The following NFE2L2 variants were observed in gnomAD, a reference collection of about 807,000 sequenced individuals.
The protein encoded by NFE2L2 is nuclear factor erythroid 2-related factor 2.
A neutral mutation model predicts 49.6 loss-of-function variants in NFE2L2; 20 were observed. The ratio of observed to expected loss-of-function variants is 0.40; its 90% CI spans 0.28 to 0.59. The LOEUF (loss-of-function observed/expected upper bound fraction) is 0.59. Among genes scored for constraint, NFE2L2 ranks in the 20% least tolerant of loss-of-function variants. The pLI is 0.40. For synonymous variants in NFE2L2, 244 were observed against 256.5 expected, an observed-to-expected ratio of 0.95 and a Z score of 0.47; for missense variants, 578 against 714.2, an observed-to-expected ratio of 0.81 and a Z score of 2.17.
intron 1 of NFE2L2, among the ~76,000 whole-genome samples, chr2:177,261,818 G>T (rs2364723): frequency 6.6e-6 from 1 of 151,940 alleles, no homozygotes; most frequent in Non-Finnish European, 1.5e-5. Flanking sequence ...GAACAGTTAA[G>T]GAGGAAATAT....
chr2:177,262,904 A>T (rs776568218), intron 1 of NFE2L2, among the ~76,000 whole-genome samples: 2 of 152,238 alleles, frequency 1.3e-5, no homozygotes, highest in Non-Finnish European at 2.9e-5. Context: ...AACCAGAAGA[A>T]TACAATCCCA....
At chr2:177,261,805 G>C (rs943694360) in intron 1 of NFE2L2, among the ~76,000 whole-genome samples, 2 of 152,094 alleles carry the variant, frequency 1.3e-5, no homozygotes, top group Admixed American at 6.5e-5. Flanking sequence ...ACCCAGGCTT[G>C]AGGAACAGTT....
At chr2:177,239,261 A>C (rs1689862742) in intron 1 of NFE2L2, among the ~76,000 whole-genome samples, 1 of 152,186 alleles carries the variant, frequency 6.6e-6, no homozygotes, top group African/African-American at 2.4e-5. Context: ...TGTCTCCACC[A>C]AGAATGCCAC....
chr2:177,231,274 T>C lies in NFE2L2; in HGVS notation c.1329A>G (p.Lys443=). The C allele has an allele frequency of 6.2e-7, 1 of 1,614,274 alleles. No homozygotes were observed. Among genetic ancestry groups the C allele is most frequent in the South Asian group, 1.1e-5 (1 of 91,092 alleles). The change falls in exon 5 of 5, where the codon AAA becomes AAG. Residue 443 remains lysine, a synonymous_variant. Transcript: ENST00000397062. ...CCTCCAAGCGGCTTGAATGTTTGTC[T>C]TTTGTGAATGGGGTTTTCCGATGAC... ...SPGHRKTPFT[K]DKHSSRLEAH... is the part of the protein sequence containing the mutation.
At chr2:177,246,582 G>C (rs1353996370) in intron 1 of NFE2L2, among the ~76,000 whole-genome samples, 1 of 150,678 alleles carries the variant, frequency 6.6e-6, no homozygotes, top group Non-Finnish European at 1.5e-5. Flanking sequence ...GCACAGAGTT[G>C]TAAGTTGTCC....
chr2:177,247,097 T>A lies in NFE2L2; in HGVS notation c.46-12826A>T, dbSNP rs553827060. On this transcript the variant is annotated intron_variant, in intron 1 of 4. Coordinates refer to ENST00000397062, the MANE Select transcript of NFE2L2 (RefSeq NM_006164.5). The stretch of plus-strand genomic sequence containing the variant: ...TGAGGGTATCCCTAAGATAAATACT[T>A]AAAAGTGGAGTTGCTGGGTCAAAGA... Among the ~76,000 whole-genome samples the A allele has an allele frequency of 7.9e-5, 12 of 152,274 alleles. No homozygotes were observed. The South Asian group carries it at 2.5e-3, about 32-fold the overall frequency.
At position 177,248,671 on chromosome 2, in the gene NFE2L2, A is replaced by C. The variant is rs1450492026; in HGVS notation, c.46-14400T>G. On this transcript the variant is annotated intron_variant, in intron 1 of 4. Transcript: ENST00000397062. The stretch of plus-strand genomic sequence containing the variant: ...TGATCCGCCTGCCTGGGCCTCCCAA[A>C]GTGCTGGCATTACAGGCATGAGCCA... Among the ~76,000 whole-genome samples, 3 of 152,166 alleles carry C rather than the reference A, an allele frequency of 2.0e-5. No homozygotes were observed. The East Asian group carries it at 5.8e-4, about 29-fold the overall frequency.
Position 177,233,951 on chromosome 2 carries a change from C to T in NFE2L2, c.312+54G>A, listed in dbSNP as rs78088214. ...CAAATCCAGATATTTTAATTCCTTG[C>T]TCAGTGTTTCCTTAAACCTGCCATA... On this transcript the variant is annotated intron_variant, in intron 2 of 4. Transcript: ENST00000397062. 6,441 of 1,597,528 alleles carry T rather than the reference C, an allele frequency of 4.0e-3. 238 individuals are homozygous for T. The African/African-American group carries it at 0.076, about 19-fold the overall frequency.
At chr2:177,242,960 AAAGGACTTATGT>A (rs1044971057) in intron 1 of NFE2L2, among the ~76,000 whole-genome samples, 7 of 150,754 alleles carry the variant, frequency 4.6e-5, no homozygotes, top group African/African-American at 1.5e-4. Context: ...GCTAGGCTTC[AAAGGACTTATGT>A]AAGGGTTTCA....
chr2:177,259,796 G>T (rs1690663327), intron 1 of NFE2L2, among the ~76,000 whole-genome samples: 1 of 152,080 alleles, frequency 6.6e-6, no homozygotes, highest in East Asian at 1.9e-4. Flanking sequence ...GCCAGGCGTG[G>T]TGGCGGGTGC....
chr2:177,253,466 C>G (rs1043011442), intron 1 of NFE2L2, among the ~76,000 whole-genome samples: 3 of 152,160 alleles, frequency 2.0e-5, no homozygotes, highest in African/African-American at 7.2e-5. Context: ...AAATGTCCCT[C>G]AAGGGGGATA....
chr2:177,252,648 G>A (rs934044705), intron 1 of NFE2L2, among the ~76,000 whole-genome samples: 1 of 32,216 alleles, frequency 3.1e-5, no homozygotes. Flanking sequence ...TGACCACACT[G>A]GTGGATGAGT....
At chr2:177,247,765 G>C (rs1384537017) in intron 1 of NFE2L2, among the ~76,000 whole-genome samples, 1 of 151,834 alleles carries the variant, frequency 6.6e-6, no homozygotes, top group Non-Finnish European at 1.5e-5. Flanking sequence ...TTTAACCACT[G>C]GTGTGTGCCT....
chr2:177,245,504 T>A (rs1690091949), intron 1 of NFE2L2, among the ~76,000 whole-genome samples: 1 of 152,190 alleles, frequency 6.6e-6, no homozygotes, highest in Non-Finnish European at 1.5e-5. Context: ...CCTAACAGCT[T>A]CTATTACACC....
At position 177,234,257 on chromosome 2, in the gene NFE2L2, A is replaced by T. The variant is rs759238012; in HGVS notation, c.60T>A (p.Ile20=). Residue 20 remains isoleucine, a synonymous_variant, in exon 2 of 5, where the codon ATT becomes ATA. Transcript: ENST00000397062. The part of the protein sequence containing the change: ...GLPSQQDMDL[I]DILWRQDIDL... ...CTATATCTTGCCTCCAAAGTATGTC[A>T]ATCAAATCCATGTCCTATGTTTAAG... The T allele has an allele frequency of 4.3e-6, 7 of 1,610,506 alleles. No individual in the cohort carries two copies. The South Asian group carries it at 6.6e-5, about 15-fold the overall frequency.
chr2:177,230,819 G>C lies in NFE2L2; in HGVS notation c.1784C>G (p.Pro595Arg). ...QTRDGNVFLV[P>R]KSKKPDVKKN Reference sequence around the variant, plus strand: ...CTTAACATCTGGCTTCTTACTTTTGGGAACAAGGAAAACATTGCCATCTCT... The same window carrying C: ...CTTAACATCTGGCTTCTTACTTTTGCGAACAAGGAAAACATTGCCATCTCT... Residue 595 changes from proline to arginine, a missense_variant, in exon 5 of 5, where the codon CCC becomes CGC. Around this residue, in one of 3 missense-constraint regions of NFE2L2, gnomAD observed 117 missense variants for 175.8 expected, o/e 0.67. Transcript: ENST00000397062. 1 of 1,589,848 alleles carries C rather than the reference G, an allele frequency of 6.3e-7. No homozygotes were observed. The highest frequency in any genetic ancestry group is 8.5e-7 in the Non-Finnish European group (1 of 1,172,932).
In NFE2L2 at chr2:177,231,849, C is replaced by T. The variant is rs1217503769; in HGVS notation, c.754G>A (p.Asp252Asn). 1 of 1,614,008 alleles carries T rather than the reference C, an allele frequency of 6.2e-7. No individual in the cohort carries two copies. The highest frequency in any genetic ancestry group is 8.5e-7 in the Non-Finnish European group (1 of 1,180,030). The change falls in exon 5 of 5, where the codon GAT becomes AAT. Residue 252 changes from aspartate to asparagine, a missense_variant. Asp to Asn is a conservative substitution (Grantham distance 23). This residue lies in a region of NFE2L2 where 368 missense variants were observed against 384.6 expected (regional missense o/e 0.96). Transcript: ENST00000397062. ...GTGGAGAGGATGCTGCTGAAGGAAT[C>T]CTCAAAAGCATTAAGAAAATGTGGA... The part of the protein sequence containing the change: ...CSPHFLNAFE[D>N]SFSSILSTED...
Position 177,231,416 on chromosome 2 carries a change from G to C in NFE2L2, c.1187C>G (p.Pro396Arg). 6.2e-7 allele frequency: 1 copy of C among 1,614,226 alleles called. No homozygotes were observed. Among genetic ancestry groups the C allele is most frequent in the Non-Finnish European group, 8.5e-7 (1 of 1,180,038 alleles). Reference protein sequence around the residue: ...GSVKQNGPKTPVHSSGDMVQP... With the variant: ...GSVKQNGPKTRVHSSGDMVQP... ...TACCATATCCCCAGAAGAATGTACT[G>C]GTGTTTTAGGACCATTCTGTTTGAC... is the stretch of plus-strand genomic sequence containing the variant. Residue 396 changes from proline (P) to arginine (R), a missense_variant, in exon 5 of 5, where the codon CCA becomes CGA. This residue lies in a region of NFE2L2 where 368 missense variants were observed against 384.6 expected (regional missense o/e 0.96). Coordinates refer to ENST00000397062, the MANE Select transcript of NFE2L2 (RefSeq NM_006164.5).
chr2:177,264,114 C>A (rs1205106171), intron 1 of NFE2L2, among the ~76,000 whole-genome samples: 3 of 152,080 alleles, frequency 2.0e-5, no homozygotes, highest in Non-Finnish European at 4.4e-5. Context: ...GGGGGAGCCG[C>A]GCAGCCCCGG....
Sources: allele counts gnomAD v4.1 joint callset (sites outside exome capture counted in the v4.1 genomes callset), GRCh38; gene constraint gnomAD v4.1.1; regional missense constraint gnomAD v4.1.1; transcripts MANE v1.5; gene names NCBI Gene and HGNC (gene_info 2026-07-23, HGNC 2026-07-21).